EXT1: variants seen among roughly 807,000 people sequenced by gnomAD.
EXT1 encodes the protein exostosin glycosyltransferase 1, also known as exostosin-1.
Under a neutral mutation model 82.5 loss-of-function variants are expected in EXT1, and 20 were observed. The ratio of observed to expected loss-of-function variants is 0.24; its 90% confidence interval spans 0.17 to 0.35. EXT1 has a LOEUF of 0.35. Ranked by LOEUF, EXT1 falls within the 10% of genes least tolerant of loss-of-function variation. The pLI is 1.00. For synonymous variants in EXT1, 348 were observed against 350.8 expected, an observed-to-expected ratio of 0.99 and a Z score of 0.09; for missense variants, 757 against 936.5, an observed-to-expected ratio of 0.81 and a Z score of 2.50.
At chr8:118,093,268 C>CA (rs10594150) in intron 1 of EXT1, among the ~76,000 whole-genome samples, 4,143 of 66,698 alleles carry the variant, frequency 0.062, 130 homozygotes, top group African/African-American at 0.11. Flanking sequence ...AAATTCCCAG[C>CA]AAAAAAAAAA....
intron 6 of EXT1, 94 bp downstream of exon 6, chr8:117,819,582 G>T: frequency 1.1e-6 from 1 of 889,402 alleles, no homozygotes. Flanking sequence ...GTCCCGGGGA[G>T]CCTGGGGAGC....
intron 1 of EXT1, among the ~76,000 whole-genome samples, chr8:118,080,937 A>G (rs1168558465): frequency 6.6e-6 from 1 of 152,196 alleles, no homozygotes; most frequent in Non-Finnish European, 1.5e-5. Context: ...CAGCAGGCAG[A>G]TAAGACCATT....
chr8:117,947,231 A>C (rs941969513), intron 1 of EXT1, among the ~76,000 whole-genome samples: 1 of 152,212 alleles, frequency 6.6e-6, no homozygotes, highest in Non-Finnish European at 1.5e-5. Flanking sequence ...CTGTCTCTCC[A>C]ACTATGGCCA....
intron 4 of EXT1, among the ~76,000 whole-genome samples, chr8:117,825,918 A>G (rs1490383082): frequency 1.3e-5 from 2 of 152,170 alleles, no homozygotes; most frequent in Admixed American, 1.3e-4. Context: ...ACATATTATC[A>G]TAATCTCAGG....
chr8:117,979,353 CAAA>C (rs1476075991), intron 1 of EXT1, among the ~76,000 whole-genome samples: 6 of 131,332 alleles, frequency 4.6e-5, no homozygotes, highest in Non-Finnish European at 7.8e-5. Context: ...GACTCTGTCT[CAAA>C]AACAAACAAA....
At chr8:117,820,543 G>T (rs1343195410) in intron 5 of EXT1, among the ~76,000 whole-genome samples, 1 of 149,362 alleles carries the variant, frequency 6.7e-6, no homozygotes, top group African/African-American at 2.5e-5. Context: ...ACAAAAATTA[G>T]CTGGGCATGG....
intron 10 of EXT1, 61 bp from the exon 11 acceptor site, chr8:117,799,958 T>C (rs1823140876): frequency 3.2e-6 from 5 of 1,567,194 alleles, no homozygotes; most frequent in East Asian, 2.3e-5. Flanking sequence ...GATGGAAACA[T>C]TGCAGAAAAT....
intron 1 of EXT1, among the ~76,000 whole-genome samples, chr8:118,070,590 A>C (rs1817072818): frequency 6.6e-6 from 1 of 152,238 alleles, no homozygotes. Context: ...AAACTCCAGT[A>C]TTAATACAAA....
At position 117,796,019 on chromosome 8, in the gene EXT1, T is replaced by G. The variant is rs1823084071; in HGVS notation, c.*3693A>C. The G allele has an allele frequency of 6.6e-6, 1 of 152,164 alleles. No individual in the cohort carries two copies. The highest frequency in any genetic ancestry group is 2.1e-4 in the South Asian group (1 of 4,818). 9.4% of individuals were successfully genotyped at this position (152,164 alleles called of 1,614,324 possible). A position where few individuals can be genotyped will look rare whatever the true frequency, so the allele number is the denominator to read the frequency against. On this transcript the variant is annotated 3_prime_UTR_variant, in exon 11 of 11. Coordinates refer to ENST00000378204, the MANE Select transcript of EXT1 (RefSeq NM_000127.3). The stretch of plus-strand genomic sequence containing the variant: ...TCTGGCCAAGAATGACAAAACCAAC[T>G]GAAAGGTTCTTGTCCATAGTCGCTG...
intron 1 of EXT1, among the ~76,000 whole-genome samples, chr8:117,877,100 ACT>A (rs1363118677): frequency 6.6e-6 from 1 of 152,034 alleles, no homozygotes; most frequent in African/African-American, 2.4e-5. Flanking sequence ...TACCTTGAAG[ACT>A]CTGGATGTTA....
At chr8:117,811,263 TGAA>T (rs945202599) in intron 8 of EXT1, among the ~76,000 whole-genome samples, 1 of 152,208 alleles carries the variant, frequency 6.6e-6, no homozygotes, top group Non-Finnish European at 1.5e-5. Flanking sequence ...ACTTGTTGAA[TGAA>T]TGTGTTCCAG....
intron 1 of EXT1, among the ~76,000 whole-genome samples, chr8:118,008,771 T>C (rs1001246755): frequency 6.6e-6 from 1 of 152,190 alleles, no homozygotes. Flanking sequence ...AATACACCTT[T>C]GGTTACATTT....
At chr8:117,905,542 G>C (rs946987582) in intron 1 of EXT1, among the ~76,000 whole-genome samples, 1 of 152,276 alleles carries the variant, frequency 6.6e-6, no homozygotes, top group East Asian at 1.9e-4. Context: ...GCCAGGCGTG[G>C]TGGCTCACGC....
intron 1 of EXT1, among the ~76,000 whole-genome samples, chr8:117,985,466 A>G (rs1815298139): frequency 6.6e-6 from 1 of 152,208 alleles, no homozygotes. Context: ...GATCTCTGGA[A>G]TGGGACCCCT....
intron 9 of EXT1, among the ~76,000 whole-genome samples, 171 bp from the exon 10 acceptor site, chr8:117,805,064 T>C (rs1460413203): frequency 1.3e-5 from 2 of 152,216 alleles, no homozygotes; most frequent in South Asian, 4.1e-4. Flanking sequence ...ACTTGTTATA[T>C]ACCAGATATT....
intron 1 of EXT1, among the ~76,000 whole-genome samples, chr8:117,885,628 G>C (rs775814792): frequency 9.9e-5 from 15 of 152,030 alleles, no homozygotes; most frequent in Non-Finnish European, 2.1e-4. Flanking sequence ...CTATTTCTTG[G>C]CTTAAAATGT....
At chr8:118,052,707 T>C (rs755236379) in intron 1 of EXT1, among the ~76,000 whole-genome samples, 1 of 152,186 alleles carries the variant, frequency 6.6e-6, no homozygotes, top group Non-Finnish European at 1.5e-5. Flanking sequence ...ACATTTCCAG[T>C]GATGTTCCAA....
Position 118,027,065 on chromosome 8 carries a change from A to G in EXT1, c.962+83020T>C, listed in dbSNP as rs988857317. Among the ~76,000 whole-genome samples, 26 of 152,208 alleles carry G rather than the reference A, an allele frequency of 1.7e-4. No homozygotes were observed. The Middle Eastern group carries it at 0.01, about 60-fold the overall frequency. ...AGCCCAGCCTGGGCAACACAGTGAG[A>G]CCCCATCCCCAAAAAGAAAGGTAGT... On this transcript the variant is annotated intron_variant, in intron 1 of 10. Coordinates refer to ENST00000378204, the MANE Select transcript of EXT1 (RefSeq NM_000127.3).
At chr8:117,905,609 G>A (rs1237161153) in intron 1 of EXT1, among the ~76,000 whole-genome samples, 1 of 152,056 alleles carries the variant, frequency 6.6e-6, no homozygotes, top group East Asian at 1.9e-4. Context: ...TCAGGAGATC[G>A]AGATCATCCT....
Sources: gnomAD v4.1 joint callset for allele counts (sites outside exome capture counted in the v4.1 genomes callset) on GRCh38, gnomAD v4.1.1 for gene constraint, MANE v1.5 for transcripts, NCBI Gene and HGNC (gene_info 2026-07-23, HGNC 2026-07-21) for gene names.